Variants in DDX60 observed in about 807,000 individuals in gnomAD.
DDX60 encodes DExD/H-box helicase 60.
In DDX60, 165 loss-of-function variants were observed where a neutral mutation model predicts 212.8. The observed-to-expected ratio is 0.78, with a 90% CI of 0.68 to 0.88. DDX60 has a LOEUF of 0.88. Among genes scored for constraint, DDX60 ranks in the 40% least tolerant of loss-of-function variants. The pLI is 0.00. For missense variants in DDX60, 1,905 were observed against 2,003.9 expected (o/e 0.95, Z 0.94); for synonymous variants, 703 against 685.3 (o/e 1.03, Z -0.40).
chr4:168,286,391 C>A (rs949034909), intron 10 of DDX60, among the ~76,000 whole-genome samples: 3 of 113,800 alleles, frequency 2.6e-5, no homozygotes, highest in Non-Finnish European at 5.5e-5. Flanking sequence ...TGATTTTATA[C>A]ACACACACAC....
At chr4:168,267,738 C>A in intron 21 of DDX60, 47 bp from the exon 22 acceptor site, 1 of 1,543,392 alleles carries the variant, frequency 6.5e-7, no homozygotes, top group Non-Finnish European at 8.8e-7. Flanking sequence ...AATGTAATCA[C>A]TGAAACAAAT....
chr4:168,310,275 C>A (rs997859922), intron 3 of DDX60, among the ~76,000 whole-genome samples: 1 of 152,082 alleles, frequency 6.6e-6, no homozygotes, highest in African/African-American at 2.4e-5. Flanking sequence ...AGGCTCATTA[C>A]ACACAGTAAT....
intron 19 of DDX60, among the ~76,000 whole-genome samples, chr4:168,270,299 C>T (rs1035486946): frequency 6.6e-6 from 1 of 152,126 alleles, no homozygotes; most frequent in Admixed American, 6.6e-5. Flanking sequence ...AGTATGACAC[C>T]TAGCAAGCAA....
At chr4:168,229,087 T>C (rs1042840491) in intron 33 of DDX60, among the ~76,000 whole-genome samples, 1 of 151,982 alleles carries the variant, frequency 6.6e-6, no homozygotes, top group African/African-American at 2.4e-5. Flanking sequence ...CCATGAACTT[T>C]TGCTCCAAGA....
chr4:168,241,457 T>C (rs922082941), intron 30 of DDX60, among the ~76,000 whole-genome samples: 3 of 152,130 alleles, frequency 2.0e-5, no homozygotes, highest in Admixed American at 1.3e-4. Flanking sequence ...CTGATAATGA[T>C]ATGGACAATG....
At position 168,294,481 on chromosome 4, in the gene DDX60, C is replaced by CATTTATTT. The variant is rs4058259; in HGVS notation, c.724-544_724-537dup. On this transcript the variant is annotated intron_variant, in intron 6 of 37. Coordinates refer to ENST00000393743, the MANE Select transcript of DDX60 (RefSeq NM_017631.6). ...CAGTCCACAGATTTTGCAAACGATA[C>CATTTATTT]ATTTATTTATTTATTTATTTATTTA... 1.5e-3 allele frequency among the ~76,000 whole-genome samples: 226 copies of CATTTATTT among 149,296 alleles called. 1 individual carries two copies. The highest frequency in any genetic ancestry group is 3.5e-3 in the East Asian group (18 of 5,102).
upstream of DDX60, among the ~76,000 whole-genome samples, chr4:168,322,328 C>A (rs1217103105): frequency 6.6e-6 from 1 of 152,164 alleles, no homozygotes; most frequent in Non-Finnish European, 1.5e-5. Context: ...AACCTGGGAG[C>A]CATTGTTGCA....
Position 168,302,436 on chromosome 4 carries a change from C to T in DDX60, c.607-20G>A, listed in dbSNP as rs1176024683. 1.7e-6 allele frequency: 2 copies of T among 1,166,164 alleles called. No individual in the cohort carries two copies. The highest frequency in any genetic ancestry group is 2.7e-5 in the East Asian group (1 of 36,388). 72.2% of individuals were successfully genotyped at this position (1,166,164 alleles called of 1,614,324 possible). A position where few individuals can be genotyped will look rare whatever the true frequency, so the allele number is the denominator to read the frequency against. On this transcript the variant is annotated intron_variant, in intron 5 of 37. Coordinates refer to ENST00000393743, the MANE Select transcript of DDX60 (RefSeq NM_017631.6). The stretch of plus-strand genomic sequence containing the variant: ...CTTATTCTGTAAAATAAAGAAAAAT[C>T]AGAAAAGTTGTTATAAATAAAATAT...
At chr4:168,312,349 G>C (rs1430570500) in intron 1 of DDX60, among the ~76,000 whole-genome samples, 1 of 152,118 alleles carries the variant, frequency 6.6e-6, no homozygotes, top group African/African-American at 2.4e-5. Flanking sequence ...CAAGTCTAGA[G>C]GACAAATACA....
intron 19 of DDX60, among the ~76,000 whole-genome samples, chr4:168,271,345 G>C (rs916868633): frequency 6.6e-6 from 1 of 152,158 alleles, no homozygotes; most frequent in African/African-American, 2.4e-5. Flanking sequence ...GTTCCACTGC[G>C]TTTGGCCTAT....
Position 168,295,488 on chromosome 4 carries a change from C to T in DDX60, c.724-1543G>A, listed in dbSNP as rs879701070. Among the ~76,000 whole-genome samples, 5 of 152,258 alleles carry T rather than the reference C, an allele frequency of 3.3e-5. No individual in the cohort carries two copies. In the East Asian group the frequency reaches 9.7e-4, roughly 29 times the overall value. Reference sequence around the variant, plus strand: ...GGCAAATGCAGAGTTGTACCCAATCCAGCTATTCTGTACCTCACTTCCGAT... The same window carrying T: ...GGCAAATGCAGAGTTGTACCCAATCTAGCTATTCTGTACCTCACTTCCGAT... On this transcript the variant is annotated intron_variant, in intron 6 of 37. Transcript: ENST00000393743.
intron 8 of DDX60, among the ~76,000 whole-genome samples, chr4:168,290,335 T>C (rs551429063): frequency 1.1e-4 from 16 of 148,392 alleles, no homozygotes; most frequent in East Asian, 3.9e-4. Context: ...TTTCTTTTTT[T>C]TTTTTTTTTT....
rs182524873 is a variant in DDX60, at chr4:168,303,084, C to T, written c.607-668G>A. On this transcript the variant is annotated intron_variant, in intron 5 of 37. Transcript: ENST00000393743. Reference sequence around the variant, plus strand: ...TTGGGAGGCAGAGGCAGGCAGATCACGAGGTCAGGAGATCGAGACCATCCT... The same window carrying T: ...TTGGGAGGCAGAGGCAGGCAGATCATGAGGTCAGGAGATCGAGACCATCCT... Among the ~76,000 whole-genome samples, 69 of 151,904 alleles carry T rather than the reference C, an allele frequency of 4.5e-4. 1 individual carries two copies. Among genetic ancestry groups the T allele is most frequent in the African/African-American group, 1.6e-3 (66 of 41,434 alleles).
chr4:168,286,639 T>C (rs987080607), intron 10 of DDX60, among the ~76,000 whole-genome samples: 4 of 151,978 alleles, frequency 2.6e-5, no homozygotes, highest in African/African-American at 9.7e-5. Flanking sequence ...CTAAAAGAGG[T>C]GGAGAGCCCA....
Position 168,252,418 on chromosome 4 carries a change from T to G in DDX60, c.3705+91A>C, listed in dbSNP as rs1734253276. On this transcript the variant is annotated intron_variant, in intron 27 of 37. Coordinates refer to ENST00000393743, the MANE Select transcript of DDX60 (RefSeq NM_017631.6). Reference sequence around the variant, plus strand: ...ATTGTATTAATTATGTATTATATTATGCATATATCTTATTAAGCATTATCT... The same window carrying G: ...ATTGTATTAATTATGTATTATATTAGGCATATATCTTATTAAGCATTATCT... 5 of 1,423,674 alleles carry G rather than the reference T, an allele frequency of 3.5e-6. No individual in the cohort carries two copies. The East Asian group carries it at 1.2e-4, about 33-fold the overall frequency. 88.2% of individuals were successfully genotyped at this position (1,423,674 alleles called of 1,614,324 possible).
Position 168,252,497 on chromosome 4 carries a change from G to T in DDX60, c.3705+12C>A. ...AAATAGTTTGGAGAACGATCAGGTTGTAAGTGCTGACCTCAGTGTCCACTG... is the reference window on the plus strand; with the variant it reads ...AAATAGTTTGGAGAACGATCAGGTTTTAAGTGCTGACCTCAGTGTCCACTG... On this transcript the variant is annotated intron_variant, in intron 27 of 37. Coordinates refer to ENST00000393743, the MANE Select transcript of DDX60 (RefSeq NM_017631.6). The T allele has an allele frequency of 6.2e-7, 1 of 1,612,756 alleles. No individual in the cohort carries two copies. Among genetic ancestry groups the T allele is most frequent in the Non-Finnish European group, 8.5e-7 (1 of 1,179,610 alleles).
intron 37 of DDX60, among the ~76,000 whole-genome samples, chr4:168,217,424 C>T (rs140775627): frequency 4.6e-5 from 7 of 152,240 alleles, no homozygotes; most frequent in African/African-American, 1.7e-4. Context: ...GCAGCTACAT[C>T]TACGAAGAGG....
At chr4:168,283,841 A>T (rs1000738295) in intron 12 of DDX60, among the ~76,000 whole-genome samples, 7 of 114,952 alleles carry the variant, frequency 6.1e-5, no homozygotes, top group African/African-American at 4.8e-5. Context: ...TATCAGGTGC[A>T]ACAAAAAAAA....
intron 4 of DDX60, among the ~76,000 whole-genome samples, chr4:168,307,582 T>C (rs1256071276): frequency 6.6e-6 from 1 of 152,080 alleles, no homozygotes; most frequent in African/African-American, 2.4e-5. Context: ...GTGCTGGGAT[T>C]ACAGGCATGC....
Sources: allele counts gnomAD v4.1 joint callset (sites outside exome capture counted in the v4.1 genomes callset), GRCh38; gene constraint gnomAD v4.1.1; transcripts MANE v1.5; gene names NCBI Gene and HGNC (gene_info 2026-07-23, HGNC 2026-07-21).